The following CDH13 variants were observed in gnomAD, a reference collection of about 807,000 sequenced individuals.
The protein encoded by CDH13 is cadherin-13.
A neutral mutation model predicts 63.8 loss-of-function variants in CDH13; 24 were observed. The ratio of observed to expected loss-of-function variants is 0.38; its 90% CI spans 0.27 to 0.53. CDH13 has a LOEUF of 0.53. Ranked by LOEUF, CDH13 falls within the 20% of genes least tolerant of loss-of-function variation. The pLI is 0.85. For synonymous variants in CDH13, 503 were observed against 355.3 expected (o/e 1.42, Z -4.67); for missense variants, 1,049 against 903.1 (o/e 1.16, Z -2.07).
At chr16:83,145,536 C>T (rs549722782) in intron 4 of CDH13, among the ~76,000 whole-genome samples, 1 of 152,294 alleles carries the variant, frequency 6.6e-6, no homozygotes, top group South Asian at 2.1e-4. Context: ...CACCAAGGAC[C>T]GTGTCAACAC....
At chr16:83,063,216 C>T (rs938712191) in intron 3 of CDH13, among the ~76,000 whole-genome samples, 1 of 152,108 alleles carries the variant, frequency 6.6e-6, no homozygotes, top group Admixed American at 6.5e-5. Context: ...CCCACCTCAG[C>T]CTCCCAAAGT....
At chr16:83,025,267 G>T (rs1469757602) in intron 2 of CDH13, among the ~76,000 whole-genome samples, 4 of 152,202 alleles carry the variant, frequency 2.6e-5, no homozygotes, top group Non-Finnish European at 4.4e-5. Flanking sequence ...GAGGATTAAA[G>T]AATATAGGTG....
At chr16:82,978,971 A>C (rs1909897602) in intron 2 of CDH13, among the ~76,000 whole-genome samples, 1 of 152,214 alleles carries the variant, frequency 6.6e-6, no homozygotes, top group African/African-American at 2.4e-5. Flanking sequence ...CTGCAAAGCC[A>C]CAGGGGTGGA....
chr16:82,959,660 T>G (rs1597298769), intron 2 of CDH13, among the ~76,000 whole-genome samples: 1 of 152,236 alleles, frequency 6.6e-6, no homozygotes, highest in African/African-American at 2.4e-5. Context: ...GTGAGAAGAC[T>G]CTTTTTAAGG....
chr16:82,811,633 A>G (rs79047400), intron 1 of CDH13, among the ~76,000 whole-genome samples: 5,337 of 152,270 alleles, frequency 0.035, 311 homozygotes, highest in African/African-American at 0.11. Context: ...GAAAATGAGA[A>G]AAAAGAGGGA....
chr16:82,887,059 C>G (rs2040912687), intron 2 of CDH13, among the ~76,000 whole-genome samples: 1 of 152,100 alleles, frequency 6.6e-6, no homozygotes. Context: ...GTTTCTCACC[C>G]TAGAAGCCTC....
intron 8 of CDH13, among the ~76,000 whole-genome samples, chr16:83,613,662 C>T (rs772459072): frequency 2.4e-4 from 37 of 152,208 alleles, no homozygotes; most frequent in Non-Finnish European, 4.6e-4. Flanking sequence ...GAAACCCTGT[C>T]TCTACTAAAT....
At chr16:83,090,477 G>A (rs1349068938) in intron 3 of CDH13, among the ~76,000 whole-genome samples, 2 of 151,950 alleles carry the variant, frequency 1.3e-5, no homozygotes, top group African/African-American at 4.8e-5. Context: ...GGGAGGCTGA[G>A]GCGGGAGAAT....
At chr16:83,193,329 G>C (rs1039934943) in intron 4 of CDH13, among the ~76,000 whole-genome samples, 2 of 152,092 alleles carry the variant, frequency 1.3e-5, no homozygotes, top group African/African-American at 2.4e-5. Context: ...GAGAGGTTTA[G>C]TAATGTGTTC....
chr16:83,283,329 TC>T (rs1219438385), intron 5 of CDH13, among the ~76,000 whole-genome samples: 1 of 152,166 alleles, frequency 6.6e-6, no homozygotes, highest in Non-Finnish European at 1.5e-5. Context: ...GGTGGCTTAC[TC>T]CTGTAATCCT....
At chr16:83,004,229 G>C (rs1171676044) in intron 2 of CDH13, among the ~76,000 whole-genome samples, 2 of 152,156 alleles carry the variant, frequency 1.3e-5, no homozygotes, top group African/African-American at 4.8e-5. Context: ...GTAGGAGTCA[G>C]GGATAAAGAT....
At chr16:82,823,118 AAG>A (rs2038080983) in intron 1 of CDH13, 1 of 152,250 alleles carries the variant, frequency 6.6e-6, no homozygotes, top group Admixed American at 6.5e-5. Flanking sequence ...TGCCTATTCC[AAG>A]AGAGAGGCTG....
intron 6 of CDH13, among the ~76,000 whole-genome samples, chr16:83,409,187 G>A (rs1050290016): frequency 2.8e-4 from 42 of 152,136 alleles, no homozygotes; most frequent in South Asian, 2.1e-4. Flanking sequence ...CTGGAGCATC[G>A]TCCCACCAGG....
At chr16:83,711,086 G>A (rs1380598318) in intron 10 of CDH13, among the ~76,000 whole-genome samples, 1 of 152,190 alleles carries the variant, frequency 6.6e-6, no homozygotes, top group Non-Finnish European at 1.5e-5. Context: ...CTTGGGGCAG[G>A]TGCCACTGGA....
intron 1 of CDH13, among the ~76,000 whole-genome samples, chr16:82,678,775 A>C (rs992238126): frequency 3.3e-5 from 5 of 152,170 alleles, no homozygotes; most frequent in Non-Finnish European, 1.5e-5. Flanking sequence ...GTTCCTGAAA[A>C]AGTGTGGGAA....
chr16:82,917,820 C>A, intron 2 of CDH13, among the ~76,000 whole-genome samples: 1 of 149,004 alleles, frequency 6.7e-6, no homozygotes, highest in East Asian at 2.0e-4. Context: ...GAGGCTGAGG[C>A]GGGAGAATTG....
At chr16:82,955,561 C>T (rs545008708) in intron 2 of CDH13, among the ~76,000 whole-genome samples, 2 of 151,968 alleles carry the variant, frequency 1.3e-5, no homozygotes, top group Admixed American at 1.3e-4. Context: ...AAAGCATATA[C>T]AGGTGGCAGT....
chr16:82,962,963 T>A (rs1907245683), intron 2 of CDH13, among the ~76,000 whole-genome samples: 1 of 152,224 alleles, frequency 6.6e-6, no homozygotes, highest in African/African-American at 2.4e-5. Flanking sequence ...AAAGGTGTAA[T>A]TATTTTTCTT....
chr16:82,642,320 C>T (rs1483197711), intron 1 of CDH13, among the ~76,000 whole-genome samples: 1 of 152,160 alleles, frequency 6.6e-6, no homozygotes, highest in East Asian at 1.9e-4. Flanking sequence ...GCCTTGAACT[C>T]TTTTAAGTTG....
Sources: gnomAD v4.1 joint callset for allele counts (sites outside exome capture counted in the v4.1 genomes callset) on GRCh38, gnomAD v4.1.1 for gene constraint, MANE v1.5 for transcripts, NCBI Gene and HGNC (gene_info 2026-07-23, HGNC 2026-07-21) for gene names.